The following INF2 variants were observed in gnomAD, a reference collection of about 807,000 sequenced individuals.
INF2 encodes the protein inverted formin-2.
A neutral mutation model predicts 123.5 loss-of-function variants in INF2; 43 were observed. The ratio of observed to expected loss-of-function variants is 0.35; its 90% CI spans 0.27 to 0.45. The LOEUF is 0.45. Among genes scored for constraint, INF2 ranks in the 20% least tolerant of loss-of-function variants. The pLI is 1.00. For missense variants in INF2, 1,453 were observed against 1,682.7 expected (o/e 0.86, Z 2.39); for synonymous variants, 851 against 745.0 (o/e 1.14, Z -2.32).
At position 104,701,831 on chromosome 14, in the gene INF2, C is replaced by T. The variant is rs1889522259; in HGVS notation, c.391+75C>T. 24 of 1,413,928 alleles carry T rather than the reference C, an allele frequency of 1.7e-5. No homozygotes were observed. In the South Asian group the frequency reaches 3.1e-4, roughly 19 times the overall value. The allele number at this position is 1,413,928 out of a possible 1,614,324, so 87.6% of individuals were successfully genotyped here. A position where few individuals can be genotyped will look rare whatever the true frequency, so the allele number is the denominator to read the frequency against. On this transcript the variant is annotated intron_variant, in intron 2 of 22. Coordinates refer to ENST00000392634, the MANE Select transcript of INF2 (RefSeq NM_022489.4). ...ATGAGGCTTCAGGCCCAAAAGGCCC[C>T]GGGAGGCCTGGGGAACCACCAGGAG...
rs1212327132 is a variant in INF2, at chr14:104,714,490, G to C, written c.3328G>C (p.Ala1110Pro). ...GCCGGTGACTCTGGGAGATGCTCAG[G>C]CCCTGAAGCCCCTCAAGTTCTCCAG... is the stretch of plus-strand genomic sequence containing the variant. ...AWPVTLGDAQ[A>P]LKPLKFSSNQ... The change falls in exon 21 of 23, where the codon GCC becomes CCC. Residue 1110 changes from alanine to proline, a missense_variant. Ala to Pro is a conservative substitution (Grantham distance 27, BLOSUM62 -1). Transcript: ENST00000392634. 1.9e-6 allele frequency: 3 copies of C among 1,612,572 alleles called. No individual in the cohort carries two copies. The Admixed American group carries it at 5.0e-5, about 27-fold the overall frequency.
At chr14:104,689,204 CCGG>C (rs1455270963), upstream of INF2, 8 of 985,286 alleles carry the variant, frequency 8.1e-6, no homozygotes, top group African/African-American at 1.4e-4. Context: ...GACTCCGGAT[CCGG>C]CTGGCTGGAA....
Position 104,707,707 on chromosome 14 carries a change from G to C in INF2, c.1440G>C (p.Leu480=). 8.9e-7 allele frequency: 1 copy of C among 1,129,376 alleles called. No homozygotes were observed. Among genetic ancestry groups the C allele is most frequent in the South Asian group, 1.3e-5 (1 of 75,358 alleles). 70.0% of individuals were successfully genotyped at this position (1,129,376 alleles called of 1,614,324 possible). ...APPAPPLPPP[L]PGSCEFLPPP... is the part of the protein sequence containing the mutation. ...CAGCACCTCCTCTACCACCACCCCTGCCAGGCTCCTGTGAGTTCCTGCCCC... is the reference window on the plus strand; with the variant it reads ...CAGCACCTCCTCTACCACCACCCCTCCCAGGCTCCTGTGAGTTCCTGCCCC... Residue 480 remains leucine (L), a synonymous_variant, in exon 8 of 23, where the codon CTG becomes CTC. Transcript: ENST00000392634.
intron 1 of INF2, among the ~76,000 whole-genome samples, chr14:104,697,488 A>T (rs1889243697): frequency 6.6e-6 from 1 of 152,248 alleles, no homozygotes; most frequent in Non-Finnish European, 1.5e-5. Context: ...GGGGCTAGGC[A>T]CATGGCTGCA....
intron 15 of INF2, 135 bp downstream of exon 15, chr14:104,711,321 C>G: frequency 5.0e-6 from 4 of 794,042 alleles, no homozygotes; most frequent in Non-Finnish European, 8.3e-6. Context: ...CCGTCTAGAG[C>G]CAGCAGCCTC....
At position 104,711,159 on chromosome 14, in the gene INF2, C is replaced by A; in HGVS notation, c.2391C>A (p.Arg797=). ...CGGAGACCAAGTCCCAGCAGAACCGCGTGACGCTGCTGCACCACGTGCTGG... is the reference window on the plus strand; with the variant it reads ...CGGAGACCAAGTCCCAGCAGAACCGAGTGACGCTGCTGCACCACGTGCTGG... ...KLTETKSQQN[R]VTLLHHVLEE... is the part of the protein sequence containing the mutation. Residue 797 remains arginine (R), a synonymous_variant, in exon 15 of 23, where the codon CGC becomes CGA. Coordinates refer to ENST00000392634, the MANE Select transcript of INF2 (RefSeq NM_022489.4). The A allele has an allele frequency of 6.4e-7, 1 of 1,567,588 alleles. No individual in the cohort carries two copies. The highest frequency in any genetic ancestry group is 8.6e-7 in the Non-Finnish European group (1 of 1,157,278).
rs555077843 is a variant in INF2, at chr14:104,709,388, G to A, written c.2052+5G>A. On this transcript the variant is annotated splice_donor_5th_base_variant and intron_variant, in intron 11 of 22. Coordinates refer to ENST00000392634, the MANE Select transcript of INF2 (RefSeq NM_022489.4). The stretch of plus-strand genomic sequence containing the variant: ...CTCCTTCCCGAGAAGCACGAGGTAA[G>A]AGGACCACCCCCACACCCCACCCCC... 1 of 1,607,610 alleles carries A rather than the reference G, an allele frequency of 6.2e-7. No homozygotes were observed. Among genetic ancestry groups the A allele is most frequent in the African/African-American group, 1.3e-5 (1 of 74,934 alleles).
Position 104,684,409 on chromosome 14 carries a change from A to G in INF2, c.-104+2827A>G. On this transcript the variant is annotated intron_variant, in intron 1 of 2. Transcript: ENST00000674723. This position sits in a 1 kb window ranked among gnomAD's most constrained non-coding sequence, Gnocchi z 5.0. ...ATAGGTTTGTGCAACGAAATATTTC[A>G]TAGAAATCAAGAAACATGAGTGAAC... is the stretch of plus-strand genomic sequence containing the variant. The G allele has an allele frequency of 3.6e-6, 1 of 274,700 alleles. No homozygotes were observed. Among genetic ancestry groups the G allele is most frequent in the South Asian group, 3.7e-5 (1 of 26,946 alleles). 17.0% of individuals were successfully genotyped at this position (274,700 alleles called of 1,614,324 possible).
At chr14:104,706,617 T>C (rs1889791583) in intron 6 of INF2, among the ~76,000 whole-genome samples, 1 of 152,126 alleles carries the variant, frequency 6.6e-6, no homozygotes, top group African/African-American at 2.4e-5. Flanking sequence ...CTGGGGGCAG[T>C]TGTGTCCCCA....
chr14:104,687,049 G>C (rs945914580), upstream of INF2, among the ~76,000 whole-genome samples: 58 of 152,336 alleles, frequency 3.8e-4, no homozygotes, highest in African/African-American at 1.3e-3. This position sits in a 1 kb window ranked among gnomAD's most constrained non-coding sequence, Gnocchi z 5.6. Context: ...CAGGCATCTG[G>C]GTACCTGCAG....
intron 16 of INF2, 65 bp downstream of exon 16, chr14:104,711,764 G>C (rs1890058272): frequency 6.8e-7 from 1 of 1,475,986 alleles, no homozygotes; most frequent in South Asian, 1.2e-5. Flanking sequence ...TCCCCAGGCA[G>C]TGAGGTGGCT....
At position 104,715,359 on chromosome 14, in the gene INF2, C is replaced by A. The variant is rs748917250; in HGVS notation, c.*1+19C>A. ...CAGTAAGGTATGTACGCAGCCGGCGCTCCGTGGGGGCTAACAGCAGCTGCA... is the reference window on the plus strand; with the variant it reads ...CAGTAAGGTATGTACGCAGCCGGCGATCCGTGGGGGCTAACAGCAGCTGCA... On this transcript the variant is annotated intron_variant, in intron 22 of 22. Coordinates refer to ENST00000392634, the MANE Select transcript of INF2 (RefSeq NM_022489.4). 2 of 1,610,840 alleles carry A rather than the reference C, an allele frequency of 1.2e-6. No homozygotes were observed. Among genetic ancestry groups the A allele is most frequent in the East Asian group, 4.5e-5 (2 of 44,886 alleles).
chr14:104,717,368 A>C, intron 22 of INF2, among the ~76,000 whole-genome samples: 1 of 146,788 alleles, frequency 6.8e-6, no homozygotes, highest in Non-Finnish European at 1.5e-5. Context: ...CCGTCCTCCC[A>C]GTCCCCCCCG....
In INF2 at chr14:104,721,547, T is replaced by A. The variant is rs1225911432; in HGVS notation, c.*2754T>A. The A allele has an allele frequency of 6.5e-6, 1 of 154,128 alleles. No individual in the cohort carries two copies. Among genetic ancestry groups the A allele is most frequent in the Admixed American group, 6.5e-5 (1 of 15,324 alleles). The allele number at this position is 154,128 out of a possible 1,614,324, so 9.5% of individuals were successfully genotyped here. On this transcript the variant is annotated 3_prime_UTR_variant, in exon 23 of 23. Coordinates refer to ENST00000392634, the MANE Select transcript of INF2 (RefSeq NM_022489.4). ...TTAACTTTTTAAGTAACTGCCTAAC[T>A]GTTTTCCAAAGCAGCTGCACCATTT...
Position 104,707,749 on chromosome 14 carries a change from C to G in INF2, c.1482C>G (p.Leu494=). 1 of 1,341,602 alleles carries G rather than the reference C, an allele frequency of 7.5e-7. No individual in the cohort carries two copies. Among genetic ancestry groups the G allele is most frequent in the Non-Finnish European group, 1.0e-6 (1 of 977,518 alleles). The allele number at this position is 1,341,602 out of a possible 1,614,324, so 83.1% of individuals were successfully genotyped here. A position where few individuals can be genotyped will look rare whatever the true frequency, so the allele number is the denominator to read the frequency against. ...CEFLPPPPPP[L]PGLGCPPPPP... ...TCCTGCCCCCACCACCTCCACCACT[C>G]CCGGGCTTGGGATGCCCGCCCCCAC... The change falls in exon 8 of 23, where the codon CTC becomes CTG. Residue 494 remains leucine (L), a synonymous_variant. Coordinates refer to ENST00000392634, the MANE Select transcript of INF2 (RefSeq NM_022489.4).
intron 21 of INF2, 51 bp downstream of exon 21, chr14:104,714,907 C>A: frequency 1.4e-6 from 2 of 1,458,544 alleles, no homozygotes; most frequent in Non-Finnish European, 1.8e-6. Context: ...GCGCTGGCAC[C>A]CAGCCGGTCC....
intron 16 of INF2, 95 bp downstream of exon 16, chr14:104,711,794 C>T (rs1435080739): frequency 2.5e-6 from 3 of 1,195,282 alleles, no homozygotes; most frequent in Non-Finnish European, 3.7e-6. Context: ...GGCTGGGTCT[C>T]ACAGCTGCAG....
intron 6 of INF2, among the ~76,000 whole-genome samples, chr14:104,706,709 C>T (rs1889795693): frequency 6.6e-6 from 1 of 152,118 alleles, no homozygotes; most frequent in Non-Finnish European, 1.5e-5. Flanking sequence ...TAGGTAGAGA[C>T]CAGTGGTTCT....
rs2140701879 is a variant in INF2, at chr14:104,714,798, C to T, written c.3636C>T (p.Gly1212=). Residue 1212 remains glycine (G), a synonymous_variant, in exon 21 of 23, where the codon GGC becomes GGT. Coordinates refer to ENST00000392634, the MANE Select transcript of INF2 (RefSeq NM_022489.4). ...SGSGTLPRAR[G]RASKGTGKRR... ...CGGGCACACTCCCCAGGGCCCGGGG[C>T]CGGGCCTCAAAGGGGACCGGGAAGC... The T allele has an allele frequency of 6.3e-6, 10 of 1,597,070 alleles. No individual in the cohort carries two copies. The highest frequency in any genetic ancestry group is 8.5e-6 in the Non-Finnish European group (10 of 1,173,946).
Sources: gnomAD v4.1 joint callset for allele counts (sites outside exome capture counted in the v4.1 genomes callset) on GRCh38, gnomAD v4.1.1 for gene constraint, Gnocchi (gnomAD v3.1) non-coding constraint, MANE v1.5 for transcripts, NCBI Gene and HGNC (gene_info 2026-07-23, HGNC 2026-07-21) for gene names.